Variants in RAB38 observed in about 807,000 individuals in gnomAD.
RAB38 encodes RAB38, member RAS oncogene family, also known as ras-related protein Rab-38.
In RAB38, 15 loss-of-function variants were observed where a neutral mutation model predicts 18.4. The observed-to-expected ratio is 0.82, with a 90% CI of 0.55 to 1.26. RAB38 has a LOEUF of 1.26. RAB38 is among the 50% of genes most tolerant of loss of function. The pLI, the probability that RAB38 is intolerant of heterozygous loss-of-function variation, is 0.00. For synonymous variants in RAB38, 101 were observed against 104.4 expected (o/e 0.97, Z 0.20); for missense variants, 294 against 267.4 (o/e 1.10, Z -0.69).
At chr11:87,895,149 C>G in the RAB38 span, among the ~76,000 whole-genome samples, 2 of 151,552 alleles carry the variant, frequency 1.3e-5, no homozygotes, top group Non-Finnish European at 3.0e-5. Context: ...GTGAATTGCT[C>G]TAGCGGGGCC....
At chr11:88,017,464 T>A in the RAB38 span, among the ~76,000 whole-genome samples, 3 of 151,962 alleles carry the variant, frequency 2.0e-5, no homozygotes, top group East Asian at 1.9e-4. Flanking sequence ...TTCACAATTT[T>A]AAAAATGTGC....
the RAB38 span, among the ~76,000 whole-genome samples, chr11:88,086,309 T>G: frequency 6.6e-6 from 1 of 151,924 alleles, no homozygotes; most frequent in African/African-American, 2.4e-5. Context: ...TATATTTTGT[T>G]ATGCCAAGGA....
the RAB38 span, among the ~76,000 whole-genome samples, chr11:87,808,147 A>C: frequency 2.0e-5 from 3 of 152,204 alleles, no homozygotes; most frequent in African/African-American, 7.2e-5. Context: ...AAAAGTATGA[A>C]GATTCCTAAA....
At chr11:88,009,214 G>A in the RAB38 span, among the ~76,000 whole-genome samples, 1 of 151,992 alleles carries the variant, frequency 6.6e-6, no homozygotes, top group Admixed American at 6.6e-5. Flanking sequence ...AAGATTCTAA[G>A]GGAAAATAAT....
the RAB38 span, among the ~76,000 whole-genome samples, chr11:88,006,270 A>G: frequency 6.6e-6 from 1 of 151,642 alleles, no homozygotes; most frequent in African/African-American, 2.4e-5. Flanking sequence ...AAATCGAAAG[A>G]TGACAAGTGT....
At chr11:88,051,905 C>T in the RAB38 span, among the ~76,000 whole-genome samples, 1 of 152,100 alleles carries the variant, frequency 6.6e-6, no homozygotes, top group Non-Finnish European at 1.5e-5. Flanking sequence ...TGGTAGATCA[C>T]CTGAGGTCAG....
At chr11:87,958,827 C>T in the RAB38 span, among the ~76,000 whole-genome samples, 1 of 152,226 alleles carries the variant, frequency 6.6e-6, no homozygotes, top group East Asian at 1.9e-4. Flanking sequence ...GTGACATATG[C>T]AAATCCTGTA....
At chr11:87,843,291 AC>A in the RAB38 span, among the ~76,000 whole-genome samples, 3 of 152,264 alleles carry the variant, frequency 2.0e-5, no homozygotes, top group African/African-American at 4.8e-5. Flanking sequence ...CCTTATATAG[AC>A]TTTTACTGGC....
At chr11:88,009,130 A>T in the RAB38 span, among the ~76,000 whole-genome samples, 1 of 152,208 alleles carries the variant, frequency 6.6e-6, no homozygotes, top group African/African-American at 2.4e-5. Context: ...AAAAATCAGC[A>T]CTGAAACTGA....
chr11:87,817,322 A>T, the RAB38 span: 1 of 152,174 alleles, frequency 6.6e-6, no homozygotes, highest in South Asian at 2.1e-4. Context: ...CAATGTATTC[A>T]TTGTACCATA....
At chr11:87,855,039 C>A in the RAB38 span, among the ~76,000 whole-genome samples, 2 of 152,094 alleles carry the variant, frequency 1.3e-5, no homozygotes, top group Non-Finnish European at 2.9e-5. Context: ...TCGTGATCCA[C>A]GTGCCTCGGC....
At chr11:88,098,827 G>A in the RAB38 span, 1 of 151,742 alleles carries the variant, frequency 6.6e-6, no homozygotes, top group African/African-American at 2.4e-5. Context: ...TTATACTTGT[G>A]GTATCTCCTC....
the RAB38 span, among the ~76,000 whole-genome samples, chr11:87,899,761 A>G: frequency 1.3e-5 from 2 of 151,712 alleles, no homozygotes; most frequent in Non-Finnish European, 3.0e-5. Flanking sequence ...GGCTAAAAAA[A>G]TAAACAGTTC....
the RAB38 span, among the ~76,000 whole-genome samples, chr11:88,089,250 G>A: frequency 6.6e-6 from 1 of 151,804 alleles, no homozygotes; most frequent in Non-Finnish European, 1.5e-5. Context: ...TGAGGTGGCA[G>A]GGGGCTTAAA....
chr11:87,824,223 T>G, the RAB38 span, among the ~76,000 whole-genome samples: 2 of 152,180 alleles, frequency 1.3e-5, no homozygotes, highest in Non-Finnish European at 2.9e-5. Context: ...GCAGTGAGAC[T>G]ATCAACTGCC....
the RAB38 span, among the ~76,000 whole-genome samples, chr11:88,095,276 T>C: frequency 6.6e-6 from 1 of 151,924 alleles, no homozygotes. Flanking sequence ...AGCAAGGGAA[T>C]TGTTTATATT....
Position 88,114,054 on chromosome 11 carries a change from C to T in RAB38, c.570G>A (p.Pro190=), listed in dbSNP as rs539177943. 9.3e-6 allele frequency: 15 copies of T among 1,614,144 alleles called. No homozygotes were observed. The East Asian group carries it at 2.0e-4, about 22-fold the overall frequency. Residue 190 remains proline (P), a synonymous_variant, in exon 3 of 3, where the codon CCG becomes CCA. Transcript: ENST00000243662. ...ATGTGAGATGGGGCTTCACGACGTCCGGCTCAATAGACTCCATTAGGTCAC... is the reference window on the plus strand; with the variant it reads ...ATGTGAGATGGGGCTTCACGACGTCTGGCTCAATAGACTCCATTAGGTCAC... ...NECDLMESIE[P]DVVKPHLTST...
the RAB38 span, among the ~76,000 whole-genome samples, chr11:88,066,356 C>T: frequency 2.6e-5 from 4 of 152,178 alleles, no homozygotes; most frequent in African/African-American, 4.8e-5. Flanking sequence ...TGGGTCTCAT[C>T]ACCCTAGCTA....
the RAB38 span, among the ~76,000 whole-genome samples, chr11:87,935,236 C>T: frequency 6.6e-6 from 1 of 152,048 alleles, no homozygotes. Context: ...CCTCTTTGGC[C>T]TTATTTTGAG....
Sources: allele counts gnomAD v4.1 joint callset (sites outside exome capture counted in the v4.1 genomes callset), GRCh38; gene constraint gnomAD v4.1.1; transcripts MANE v1.5; gene names NCBI Gene and HGNC (gene_info 2026-07-23, HGNC 2026-07-21).